DDX27: variants seen among roughly 807,000 people sequenced by gnomAD.
The protein encoded by DDX27 is probable ATP-dependent RNA helicase DDX27.
In DDX27, 42 loss-of-function variants were observed where a neutral mutation model predicts 99.3. That is an observed-to-expected ratio of 0.42 (90% CI 0.33 to 0.55). DDX27 has a LOEUF of 0.55. Among genes scored for constraint, DDX27 ranks in the 20% least tolerant of loss-of-function variants. The pLI is 0.07. For missense variants in DDX27, 798 were observed against 976.8 expected, an observed-to-expected ratio of 0.82 and a Z score of 2.44; for synonymous variants, 329 against 353.8, an observed-to-expected ratio of 0.93 and a Z score of 0.79.
At chr20:49,241,842 TA>T (rs1568977957) in intron 16 of DDX27, 50 bp from the exon 17 acceptor site, 3 of 1,588,402 alleles carry the variant, frequency 1.9e-6, no homozygotes, top group Non-Finnish European at 1.7e-6. Flanking sequence ...ATCGTAAGCT[TA>T]AAAAAAGATA....
chr20:49,233,105 A>T (rs1412591528), intron 9 of DDX27, among the ~76,000 whole-genome samples: 2 of 152,214 alleles, frequency 1.3e-5, no homozygotes, highest in African/African-American at 4.8e-5. Context: ...AAGGTGTTAT[A>T]ACATCTGTGA....
intron 16 of DDX27, among the ~76,000 whole-genome samples, chr20:49,241,277 G>A (rs1193522902): frequency 2.6e-5 from 4 of 151,990 alleles, no homozygotes. Flanking sequence ...ACAAAATAAG[G>A]GTGTATATAA....
intron 8 of DDX27, 42 bp downstream of exon 8, chr20:49,228,930 G>A: frequency 6.6e-7 from 1 of 1,526,228 alleles, no homozygotes; most frequent in Non-Finnish European, 8.8e-7. Flanking sequence ...GAGAGACTGT[G>A]GTGGGGTGGA....
chr20:49,231,885 CTT>C (rs11086280), intron 9 of DDX27, among the ~76,000 whole-genome samples: 231 of 135,702 alleles, frequency 1.7e-3, no homozygotes, highest in Non-Finnish European at 2.0e-3. Context: ...CTTTTCGTTC[CTT>C]TTTTTTTTTT....
At position 49,243,904 on chromosome 20, in the gene DDX27, GGTCT is replaced by G. The variant is rs1342602028; in HGVS notation, c.*75_*78del. The G allele has an allele frequency of 4.4e-6, 7 of 1,575,880 alleles. No individual in the cohort carries two copies. Among genetic ancestry groups the G allele is most frequent in the Non-Finnish European group, 5.2e-6 (6 of 1,152,884 alleles). ...TTCCCTGTGGGAAGTCATCCTGGCT[GGTCT>G]GTCTTTTCTCCATTTGTTTAAAAAA... On this transcript the variant is annotated 3_prime_UTR_variant, in exon 21 of 21. Coordinates refer to ENST00000618172, the MANE Select transcript of DDX27 (RefSeq NM_017895.8).
chr20:49,241,761 A>G, intron 16 of DDX27, 132 bp from the exon 17 acceptor site: 1 of 967,296 alleles, frequency 1.0e-6, no homozygotes, highest in Non-Finnish European at 1.6e-6. Flanking sequence ...GAGCTACTGC[A>G]CTCGGCCAAG....
chr20:49,228,684 C>T, intron 7 of DDX27, 31 bp from the exon 8 acceptor site: 1 of 1,564,480 alleles, frequency 6.4e-7, no homozygotes, highest in Non-Finnish European at 8.7e-7. Flanking sequence ...TAAACTTCTT[C>T]TCATTGCTTC....
At chr20:49,226,365 C>A in intron 6 of DDX27, 65 bp from the exon 7 acceptor site, 1 of 1,283,964 alleles carries the variant, frequency 7.8e-7, no homozygotes, top group Admixed American at 2.1e-5. Flanking sequence ...GGAAACCTGC[C>A]CTGTTTGTGT....
At chr20:49,229,160 C>G (rs1173229086) in intron 8 of DDX27, among the ~76,000 whole-genome samples, 12 of 151,734 alleles carry the variant, frequency 7.9e-5, no homozygotes, top group Non-Finnish European at 1.5e-5. Context: ...GCCTCAGCCT[C>G]CCCAGTAGCT....
chr20:49,236,304 A>G lies in DDX27; in HGVS notation c.1510-29A>G, dbSNP rs768348001. The G allele has an allele frequency of 1.3e-6, 2 of 1,566,866 alleles. No homozygotes were observed. Among genetic ancestry groups the G allele is most frequent in the East Asian group, 2.3e-5 (1 of 43,728 alleles). ...CTCTTCGCACCCCCCTTCCCTTGCCAGGCCTGACGTTCATTTTTGACCTTC... is the reference window on the plus strand; with the variant it reads ...CTCTTCGCACCCCCCTTCCCTTGCCGGGCCTGACGTTCATTTTTGACCTTC... On this transcript the variant is annotated intron_variant, in intron 13 of 20. Transcript: ENST00000618172. This position sits in a 1 kb window ranked among gnomAD's most constrained non-coding sequence, Gnocchi z 4.1.
At position 49,226,476 on chromosome 20, in the gene DDX27, C is replaced by T. The variant is rs894366245; in HGVS notation, c.647C>T (p.Ala216Val). The T allele has an allele frequency of 1.7e-5, 27 of 1,613,936 alleles. No homozygotes were observed. Among genetic ancestry groups the T allele is most frequent in the Non-Finnish European group, 2.2e-5 (26 of 1,180,000 alleles). The change falls in exon 7 of 21, where the codon GCG becomes GTG. Residue 216 changes from alanine (A) to valine (V), a missense_variant. By Grantham distance (64) the Ala-to-Val change is moderately conservative. Around this residue, in one of 2 missense-constraint regions of DDX27, gnomAD observed 553 missense variants for 727.9 expected, o/e 0.76. Transcript: ENST00000618172. ...AAGCAGCCCACCCCGATCCAGAAGG[C>T]GTGCATACCTGTGGGTCTATTGGGG... ...GFKQPTPIQK[A>V]CIPVGLLGKD... is the part of the protein sequence containing the mutation.
At chr20:49,230,386 GT>G in intron 9 of DDX27, 37 bp downstream of exon 9, 2 of 1,582,338 alleles carry the variant, frequency 1.3e-6, no homozygotes, top group Non-Finnish European at 1.7e-6. Flanking sequence ...GCACTGTGGG[GT>G]TCCAAGGCCC....
chr20:49,223,563 C>G (rs982612072), intron 4 of DDX27, 130 bp downstream of exon 4: 6 of 755,836 alleles, frequency 7.9e-6, no homozygotes, highest in Non-Finnish European at 1.2e-5. Flanking sequence ...ACATTGAACT[C>G]CTTTCTTTCT....
At chr20:49,225,905 C>T (rs1019775216) in intron 6 of DDX27, among the ~76,000 whole-genome samples, 7 of 152,174 alleles carry the variant, frequency 4.6e-5, no homozygotes, top group Non-Finnish European at 1.0e-4. Flanking sequence ...ACGACACCTC[C>T]TGGCACTCGT....
In DDX27 at chr20:49,219,446, A is replaced by G. The variant is rs1979544327; in HGVS notation, c.-3A>G. On this transcript the variant is annotated 5_prime_UTR_variant, in exon 1 of 21. Coordinates refer to ENST00000618172, the MANE Select transcript of DDX27 (RefSeq NM_017895.8). ...CGCTTCCGGAAGTGGCTTCTGCGAC[A>G]ACATGCTTGCGGACCTCGGCTTAAT... The G allele has an allele frequency of 1.2e-6, 2 of 1,614,022 alleles. No individual in the cohort carries two copies. The highest frequency in any genetic ancestry group is 1.3e-5 in the African/African-American group (1 of 74,916).
intron 9 of DDX27, among the ~76,000 whole-genome samples, chr20:49,231,833 GAAATA>G (rs1980123359): frequency 6.6e-6 from 1 of 151,738 alleles, no homozygotes; most frequent in African/African-American, 2.4e-5. Context: ...CAGTTACTGA[GAAATA>G]ATTATACGAA....
chr20:49,231,525 A>C (rs1286616330), intron 9 of DDX27, among the ~76,000 whole-genome samples: 4 of 152,244 alleles, frequency 2.6e-5, no homozygotes, highest in African/African-American at 9.6e-5. Context: ...GATTTAGATC[A>C]GGAGACAGCT....
chr20:49,224,966 GGAAGAAGAA>G lies in DDX27; in HGVS notation c.498_506del (p.Lys167_Lys169del). ...ATAGATACACTCAAAGTAAAGGATC[GGAAGAAGAA>G]GAAGAAGAAAGGACAGGTGAGCTTG... On this transcript the variant is annotated inframe_deletion, in exon 5 of 21. Coordinates refer to ENST00000618172, the MANE Select transcript of DDX27 (RefSeq NM_017895.8). 1 of 1,613,906 alleles carries G rather than the reference GGAAGAAGAA, an allele frequency of 6.2e-7. No individual in the cohort carries two copies. Among genetic ancestry groups the G allele is most frequent in the Non-Finnish European group, 8.5e-7 (1 of 1,179,916 alleles).
chr20:49,242,650 A>G lies in DDX27; in HGVS notation c.2173A>G (p.Ser725Gly), dbSNP rs760088062. The G allele has an allele frequency of 8.7e-6, 14 of 1,614,106 alleles. No homozygotes were observed. The Admixed American group carries it at 1.7e-4, about 19-fold the overall frequency. ...ATTTGATGAAGAACTCACCAACACA[A>G]GCAAGAAGGCCCTGAAACAGTATCG... ...SVFDEELTNT[S>G]KKALKQYRAG... The change falls in exon 19 of 21, where the codon AGC (serine) becomes GGC (glycine). Residue 725 changes from serine to glycine, a missense_variant. Physicochemically the swap from Ser to Gly is moderately conservative, Grantham distance 56. Around this residue, in one of 2 missense-constraint regions of DDX27, gnomAD observed 553 missense variants for 727.9 expected, o/e 0.76. Transcript: ENST00000618172.
Sources: gnomAD v4.1 joint callset for allele counts (sites outside exome capture counted in the v4.1 genomes callset) on GRCh38, gnomAD v4.1.1 for gene constraint, gnomAD v4.1.1 regional missense constraint, Gnocchi (gnomAD v3.1) non-coding constraint, MANE v1.5 for transcripts, NCBI Gene and HGNC (gene_info 2026-07-23, HGNC 2026-07-21) for gene names.